Variants in CLIC5 observed in about 807,000 individuals in gnomAD.
The protein encoded by CLIC5 is chloride intracellular channel protein 5.
A neutral mutation model predicts 24.7 loss-of-function variants in CLIC5; 20 were observed. The observed-to-expected ratio is 0.81, with a 90% confidence interval of 0.57 to 1.18. The LOEUF (loss-of-function observed/expected upper bound fraction) is 1.18. CLIC5 is among the 50% of genes most tolerant of loss of function. CLIC5 has a pLI of 0.00. For missense variants in CLIC5, 341 were observed against 326.1 expected, an observed-to-expected ratio of 1.05 and a Z score of -0.35; for synonymous variants, 159 against 135.6, an observed-to-expected ratio of 1.17 and a Z score of -1.20.
intron 4 of CLIC5, among the ~76,000 whole-genome samples, chr6:45,940,460 C>T (rs369316195): frequency 3.3e-5 from 5 of 152,348 alleles, no homozygotes; most frequent in African/African-American, 1.2e-4. Flanking sequence ...TCCCGATACA[C>T]CAACTCTGTT....
intron 4 of CLIC5, among the ~76,000 whole-genome samples, chr6:45,941,288 G>C (rs532728875): frequency 2.6e-5 from 4 of 152,280 alleles, no homozygotes; most frequent in Admixed American, 6.5e-5. Flanking sequence ...AGATGACAAA[G>C]AGCATCCCTC....
At chr6:46,110,272 G>A in the CLIC5 span, among the ~76,000 whole-genome samples, 8 of 152,108 alleles carry the variant, frequency 5.3e-5, no homozygotes, top group Non-Finnish European at 7.4e-5. Context: ...CAGGGCCTTC[G>A]TAGCCTCCAT....
At chr6:45,957,532 G>C (rs4711836) in intron 1 of CLIC5, among the ~76,000 whole-genome samples, 127,907 of 152,118 alleles carry the variant, frequency 0.84, 54,398 homozygotes, top group Non-Finnish European at 0.9. Context: ...CCAGGTGCTG[G>C]GGAGGGCTGG....
the CLIC5 span, among the ~76,000 whole-genome samples, chr6:46,095,550 T>A: frequency 6.6e-6 from 1 of 152,186 alleles, no homozygotes; most frequent in South Asian, 2.1e-4. Flanking sequence ...GTTTCACAGA[T>A]CCCTAGTATA....
intron 1 of CLIC5, among the ~76,000 whole-genome samples, chr6:46,053,825 C>A (rs969188222): frequency 3.3e-5 from 5 of 152,178 alleles, no homozygotes; most frequent in Non-Finnish European, 7.3e-5. Context: ...AGAGGCATTC[C>A]TCTCTGCAGT....
intron 4 of CLIC5, among the ~76,000 whole-genome samples, chr6:45,928,468 C>T (rs1763590495): frequency 6.6e-6 from 1 of 152,162 alleles, no homozygotes; most frequent in Admixed American, 6.5e-5. Context: ...ACGTCCTAAC[C>T]ACAGACAAGG....
chr6:45,966,974 G>A (rs75797936), intron 1 of CLIC5, among the ~76,000 whole-genome samples: 10 of 152,182 alleles, frequency 6.6e-5, no homozygotes, highest in African/African-American at 9.7e-5. Context: ...TGCTGTGACC[G>A]GGTACAGAAA....
In CLIC5 at chr6:45,958,188, T is replaced by C. The variant is rs1764709488; in HGVS notation, c.64-2944A>G. The stretch of plus-strand genomic sequence containing the variant: ...CACAGACATGCAGAGGACAAAGTCA[T>C]GTGAAGATGAAGGCAATGATTGAAG... On this transcript the variant is annotated intron_variant, in intron 1 of 5. Coordinates refer to ENST00000339561, the MANE Select transcript of CLIC5 (RefSeq NM_016929.5). Among the ~76,000 whole-genome samples, 5 of 151,778 alleles carry C rather than the reference T, an allele frequency of 3.3e-5. No individual in the cohort carries two copies. In the South Asian group the frequency reaches 1.0e-3, roughly 32 times the overall value.
chr6:45,984,957 G>A (rs1321935543), intron 1 of CLIC5, among the ~76,000 whole-genome samples: 2 of 152,162 alleles, frequency 1.3e-5, no homozygotes, highest in East Asian at 1.9e-4. Context: ...GCTGCCTCAC[G>A]GGGAAGACAC....
At position 45,965,027 on chromosome 6, in the gene CLIC5, T is replaced by C. The variant is rs75867223; in HGVS notation, c.64-9783A>G. On this transcript the variant is annotated intron_variant, in intron 1 of 5. Coordinates refer to ENST00000339561, the MANE Select transcript of CLIC5 (RefSeq NM_016929.5). ...TGTTAAACACCCTATTTATGAAATATTATGCCTTGATGAAGAGTCAATAGA... is the reference window on the plus strand; with the variant it reads ...TGTTAAACACCCTATTTATGAAATACTATGCCTTGATGAAGAGTCAATAGA... Among the ~76,000 whole-genome samples, 307 of 152,324 alleles carry C rather than the reference T, an allele frequency of 2.0e-3. 1 individual carries two copies. The highest frequency in any genetic ancestry group is 6.6e-3 in the African/African-American group (273 of 41,568).
chr6:46,071,753 T>C (rs1762603817), intron 1 of CLIC5, among the ~76,000 whole-genome samples: 1 of 152,110 alleles, frequency 6.6e-6, no homozygotes, highest in Non-Finnish European at 1.5e-5. Flanking sequence ...CCTAAAGGAA[T>C]ATAAATTGTT....
chr6:46,044,943 T>C (rs1304391281), intron 1 of CLIC5, among the ~76,000 whole-genome samples: 1 of 152,194 alleles, frequency 6.6e-6, no homozygotes, highest in Non-Finnish European at 1.5e-5. Context: ...CTCCTGTGTT[T>C]GAGGCCTTCA....
chr6:46,108,797 A>C, the CLIC5 span, among the ~76,000 whole-genome samples: 1 of 152,098 alleles, frequency 6.6e-6, no homozygotes, highest in Non-Finnish European at 1.5e-5. Context: ...TAATTGAATG[A>C]ATGTTTTTTT....
intron 4 of CLIC5, among the ~76,000 whole-genome samples, chr6:45,938,259 G>T (rs539073946): frequency 2.0e-5 from 3 of 152,318 alleles, no homozygotes; most frequent in African/African-American, 7.2e-5. Flanking sequence ...CGGGTCAGGG[G>T]CTGTGGGGCT....
At chr6:45,884,228 A>C (rs1025090424) in intron 6 of CLIC5, among the ~76,000 whole-genome samples, 2 of 152,182 alleles carry the variant, frequency 1.3e-5, no homozygotes, top group East Asian at 3.9e-4. Flanking sequence ...CATACTTCTC[A>C]TGGATGGTAT....
At chr6:46,123,081 T>C in the CLIC5 span, 3 of 152,370 alleles carry the variant, frequency 2.0e-5, no homozygotes, top group East Asian at 5.8e-4. Context: ...ACTCATTTTA[T>C]GAGGCCAGCG....
intron 1 of CLIC5, among the ~76,000 whole-genome samples, chr6:46,061,230 A>T (rs1176931306): frequency 6.6e-6 from 1 of 152,008 alleles, no homozygotes; most frequent in Non-Finnish European, 1.5e-5. Context: ...TTGCTCTGTC[A>T]CCAGGCTGGA....
chr6:46,009,335 T>A (rs75496356), intron 1 of CLIC5, among the ~76,000 whole-genome samples: 9,378 of 152,190 alleles, frequency 0.062, 466 homozygotes, highest in African/African-American at 0.14. Context: ...CTTAGATACT[T>A]CTTTCTTGAA....
rs1030540985 is a variant in CLIC5, at chr6:45,946,145, C to T, written c.299+3111G>A. On this transcript the variant is annotated intron_variant, in intron 3 of 5. Coordinates refer to ENST00000339561, the MANE Select transcript of CLIC5 (RefSeq NM_016929.5). Reference sequence around the variant, plus strand: ...GAGAGGCTTGTCCAAGGTCATATGACAAACACTCATAGAGAGGTGGCCAGA... The same window carrying T: ...GAGAGGCTTGTCCAAGGTCATATGATAAACACTCATAGAGAGGTGGCCAGA... Among the ~76,000 whole-genome samples the T allele has an allele frequency of 1.8e-4, 27 of 152,328 alleles. 1 individual carries two copies. The East Asian group carries it at 5.0e-3, about 28-fold the overall frequency.
Sources: allele counts gnomAD v4.1 joint callset (sites outside exome capture counted in the v4.1 genomes callset), GRCh38; gene constraint gnomAD v4.1.1; transcripts MANE v1.5; gene names NCBI Gene and HGNC (gene_info 2026-07-23, HGNC 2026-07-21).